PLCG2: variants seen among roughly 807,000 people sequenced by gnomAD.
The protein encoded by PLCG2 is phospholipase C gamma 2.
In PLCG2, 69 loss-of-function variants were observed where a neutral mutation model predicts 175.6. That is an observed-to-expected ratio of 0.39 (90% confidence interval 0.32 to 0.48). PLCG2 has a LOEUF of 0.48. PLCG2 is among the 20% of genes least tolerant of loss of function. The pLI is 0.91. For synonymous variants in PLCG2, 827 were observed against 624.0 expected (o/e 1.33, Z -4.85); for missense variants, 1,798 against 1,650.9 (o/e 1.09, Z -1.54).
chr16:81,961,160 G>T lies in PLCG2; in HGVS notation c.*3162G>T, dbSNP rs1036552152. 8.7e-6 allele frequency: 2 copies of T among 229,964 alleles called. No homozygotes were observed. Among genetic ancestry groups the T allele is most frequent in the East Asian group, 6.2e-5 (1 of 16,102 alleles). 14.2% of individuals were successfully genotyped at this position (229,964 alleles called of 1,614,324 possible). ...TGTAGATTTCTGAGTCTCTTAGCAT[G>T]TAACTACAAAGGGGTTGGAAGAATT... On this transcript the variant is annotated 3_prime_UTR_variant, in exon 33 of 33. Coordinates refer to ENST00000564138, the MANE Select transcript of PLCG2 (RefSeq NM_002661.5).
chr16:81,775,007 A>T (rs766997338), upstream of PLCG2, among the ~76,000 whole-genome samples: 2 of 152,132 alleles, frequency 1.3e-5, no homozygotes, highest in African/African-American at 2.4e-5. Context: ...TAGCCTCCCA[A>T]ATAGCTGAGA....
At chr16:81,841,456 G>C (rs1242172221) in intron 2 of PLCG2, among the ~76,000 whole-genome samples, 1 of 151,986 alleles carries the variant, frequency 6.6e-6, no homozygotes, top group African/African-American at 2.4e-5. Flanking sequence ...GGCCAGGCTG[G>C]TTTCAAACTC....
intron 2 of PLCG2, among the ~76,000 whole-genome samples, chr16:81,831,064 C>G (rs1905240704): frequency 6.6e-6 from 1 of 152,136 alleles, no homozygotes; most frequent in African/African-American, 2.4e-5. Flanking sequence ...AGACATCAGC[C>G]CAGATGTCAC....
intron 2 of PLCG2, among the ~76,000 whole-genome samples, chr16:81,763,684 G>A (rs1015694015): frequency 5.9e-5 from 9 of 152,156 alleles, no homozygotes; most frequent in African/African-American, 2.2e-4. Context: ...GTTACAAAGG[G>A]GGCCGGGTGT....
chr16:81,942,755 C>A (rs1597148524), intron 30 of PLCG2, among the ~76,000 whole-genome samples: 2 of 152,284 alleles, frequency 1.3e-5, no homozygotes. Flanking sequence ...AGCTGAGATT[C>A]AAACCCAGGA....
At position 81,895,861 on chromosome 16, in the gene PLCG2, G is replaced by C; in HGVS notation, c.1127G>C (p.Arg376Pro). 3 of 1,614,078 alleles carry C rather than the reference G, an allele frequency of 1.9e-6. No homozygotes were observed. Among genetic ancestry groups the C allele is most frequent in the Non-Finnish European group, 1.7e-6 (2 of 1,179,992 alleles). The change falls in exon 13 of 33, where the codon CGG (arginine) becomes CCG (proline). Residue 376 changes from arginine (R) to proline (P), a missense_variant. Physicochemically the swap from Arg to Pro is moderately radical, Grantham distance 103. Coordinates refer to ENST00000564138, the MANE Select transcript of PLCG2 (RefSeq NM_002661.5). ...CCGGTCATCTACCATGGCTGGACGC[G>C]GACTACCAAGATCAAGTTTGACGAC... ...GKPVIYHGWT[R>P]TTKIKFDDVV... is the part of the protein sequence containing the mutation.
intron 2 of PLCG2, among the ~76,000 whole-genome samples, chr16:81,824,439 C>A (rs1395835902): frequency 1.3e-5 from 2 of 152,274 alleles, no homozygotes; most frequent in Admixed American, 6.5e-5. Context: ...TGGCCCCAGC[C>A]ACTTATTTTC....
chr16:81,930,683 G>A (rs1910460985), intron 24 of PLCG2, among the ~76,000 whole-genome samples: 1 of 150,622 alleles, frequency 6.6e-6, no homozygotes, highest in African/African-American at 2.4e-5. Context: ...GGAAGGTGGA[G>A]GCTGCAGGGA....
intron 2 of PLCG2, among the ~76,000 whole-genome samples, chr16:81,805,762 G>GTTTTTTT (rs1567473489): frequency 5.1e-5 from 2 of 38,910 alleles, no homozygotes; most frequent in African/African-American, 2.7e-4. Flanking sequence ...GTAGTGTTTT[G>GTTTTTTT]TTTTGTTTTT....
chr16:81,937,682 C>T (rs1171689810), intron 27 of PLCG2, 76 bp from the exon 28 acceptor site: 18 of 1,299,476 alleles, frequency 1.4e-5, no homozygotes, highest in Non-Finnish European at 1.8e-5. Context: ...AATTCATTCC[C>T]CACCTAGAAA....
At chr16:81,856,672 C>T (rs1283417139) in intron 3 of PLCG2, among the ~76,000 whole-genome samples, 1 of 152,184 alleles carries the variant, frequency 6.6e-6, no homozygotes, top group Non-Finnish European at 1.5e-5. Context: ...AATCCCTAAG[C>T]CAGTGGTACT....
chr16:81,788,374 G>A (rs759299972), intron 2 of PLCG2, among the ~76,000 whole-genome samples: 30 of 152,228 alleles, frequency 2.0e-4, no homozygotes, highest in Non-Finnish European at 3.7e-4. Context: ...TCCGCCTCCC[G>A]GATTCATGCC....
chr16:81,838,344 C>A (rs1008768284), intron 2 of PLCG2, among the ~76,000 whole-genome samples: 1 of 152,162 alleles, frequency 6.6e-6, no homozygotes, highest in Non-Finnish European at 1.5e-5. Context: ...GCCTTGGCCT[C>A]CCAAAGTGCT....
intron 26 of PLCG2, among the ~76,000 whole-genome samples, chr16:81,935,229 C>T (rs913821722): frequency 6.6e-6 from 1 of 152,148 alleles, no homozygotes; most frequent in African/African-American, 2.4e-5. Flanking sequence ...TTTCTGGGGG[C>T]TGCTGGCATT....
intron 26 of PLCG2, chr16:81,935,827 T>A (rs963950441): frequency 1.1e-5 from 11 of 985,174 alleles, no homozygotes; most frequent in African/African-American, 1.7e-5. Context: ...CCCAAGATCT[T>A]CTCCTACCCA....
intron 1 of PLCG2, among the ~76,000 whole-genome samples, chr16:81,784,882 C>A (rs1464061198): frequency 6.6e-6 from 1 of 152,034 alleles, no homozygotes; most frequent in African/African-American, 2.4e-5. Flanking sequence ...ATTTTGGGGG[C>A]AGGCAATGTG....
chr16:81,890,629 T>C (rs1476680306), intron 10 of PLCG2, among the ~76,000 whole-genome samples: 4 of 152,180 alleles, frequency 2.6e-5, no homozygotes, highest in Admixed American at 2.6e-4. Context: ...CTGGTCAGAA[T>C]GGTTGCCTTT....
At chr16:81,834,012 G>A (rs993578215) in intron 2 of PLCG2, among the ~76,000 whole-genome samples, 8 of 152,218 alleles carry the variant, frequency 5.3e-5, no homozygotes, top group Non-Finnish European at 1.2e-4. Flanking sequence ...TCAGGGAGCA[G>A]CTGCTGGAAC....
chr16:81,783,202 G>A, intron 1 of PLCG2: 1 of 462,656 alleles, frequency 2.2e-6, no homozygotes, highest in African/African-American at 2.0e-5. Flanking sequence ...AGACCTGGGA[G>A]TGGGGAACTC....
Sources: allele counts gnomAD v4.1 joint callset (sites outside exome capture counted in the v4.1 genomes callset), GRCh38; gene constraint gnomAD v4.1.1; transcripts MANE v1.5; gene names NCBI Gene and HGNC (gene_info 2026-07-23, HGNC 2026-07-21).